The following FAM78B variants were observed in gnomAD, a reference collection of about 807,000 sequenced individuals.
The protein encoded by FAM78B is protein FAM78B.
FAM78B carries 10 observed loss-of-function variants against 20.0 expected under a neutral mutation model. The ratio of observed to expected loss-of-function variants is 0.50; its 90% CI spans 0.31 to 0.85. FAM78B has a LOEUF of 0.85. FAM78B is among the 40% of genes least tolerant of loss of function. The pLI, the probability that FAM78B is intolerant of heterozygous loss-of-function variation, is 0.05. For missense variants in FAM78B, 283 were observed against 345.0 expected (o/e 0.82, Z 1.42); for synonymous variants, 135 against 132.8 (o/e 1.02, Z -0.12).
intron 1 of FAM78B, among the ~76,000 whole-genome samples, chr1:166,082,958 A>G (rs1410112262): frequency 6.6e-6 from 1 of 152,156 alleles, no homozygotes; most frequent in East Asian, 1.9e-4. Flanking sequence ...GAGAGGATGT[A>G]GGGGCTGGGT....
At chr1:166,105,754 G>C (rs1447794635) in intron 1 of FAM78B, among the ~76,000 whole-genome samples, 9 of 151,840 alleles carry the variant, frequency 5.9e-5, no homozygotes, top group Non-Finnish European at 1.3e-4. Flanking sequence ...TTACACTGTT[G>C]GTGGGACTGT....
downstream of FAM78B, among the ~76,000 whole-genome samples, chr1:166,066,815 A>T (rs1342690304): frequency 6.6e-6 from 1 of 152,168 alleles, no homozygotes; most frequent in African/African-American, 2.4e-5. Flanking sequence ...ACAGAATGGG[A>T]GGTGGGTAGG....
At chr1:166,164,762 ACC>A (rs1656294613) in intron 1 of FAM78B, 1 of 152,216 alleles carries the variant, frequency 6.6e-6, no homozygotes, top group South Asian at 2.1e-4. Flanking sequence ...GAACTCCCCC[ACC>A]CCATATCCAT....
intron 1 of FAM78B, among the ~76,000 whole-genome samples, chr1:166,100,769 G>A (rs957729655): frequency 6.6e-6 from 1 of 152,240 alleles, no homozygotes; most frequent in South Asian, 2.1e-4. Context: ...TCTGGGAGCA[G>A]GGCATAGCCA....
At chr1:166,132,280 C>G (rs2101780170) in intron 1 of FAM78B, among the ~76,000 whole-genome samples, 1 of 148,958 alleles carries the variant, frequency 6.7e-6, no homozygotes, top group South Asian at 2.2e-4. Flanking sequence ...AGAGTGGTTC[C>G]AAATCTCCCC....
chr1:166,142,758 C>T (rs750168600), intron 1 of FAM78B, among the ~76,000 whole-genome samples: 3 of 152,266 alleles, frequency 2.0e-5, no homozygotes, highest in South Asian at 2.1e-4. Flanking sequence ...AAATGATGTA[C>T]GGGTAATGGG....
chr1:166,153,155 A>C (rs1655749449), intron 1 of FAM78B, among the ~76,000 whole-genome samples: 1 of 152,210 alleles, frequency 6.6e-6, no homozygotes, highest in African/African-American at 2.4e-5. Flanking sequence ...AGAGTGACTC[A>C]TGGGCTCCCA....
At chr1:166,132,055 T>C (rs1654893865) in intron 1 of FAM78B, among the ~76,000 whole-genome samples, 1 of 152,194 alleles carries the variant, frequency 6.6e-6, no homozygotes, top group Non-Finnish European at 1.5e-5. Flanking sequence ...AGCACAATTT[T>C]CTCCAATTTT....
chr1:166,071,731 T>C (rs1652040655), intron 1 of FAM78B, among the ~76,000 whole-genome samples: 1 of 152,242 alleles, frequency 6.6e-6, no homozygotes, highest in Non-Finnish European at 1.5e-5. Context: ...TTAAGGTACA[T>C]GACAAAGGTC....
intron 1 of FAM78B, among the ~76,000 whole-genome samples, chr1:166,084,205 C>CCACACACACA (rs374157991): frequency 0.013 from 1,546 of 121,066 alleles, 12 homozygotes; most frequent in Middle Eastern, 0.019. Flanking sequence ...GATGTAGAAA[C>CCACACACACA]CACACACACA....
chr1:166,139,990 C>G (rs144185603), intron 1 of FAM78B, among the ~76,000 whole-genome samples: 1 of 152,166 alleles, frequency 6.6e-6, no homozygotes. Flanking sequence ...ACAAAGGCCA[C>G]GCAGGATGAG....
intron 1 of FAM78B, among the ~76,000 whole-genome samples, chr1:166,086,480 G>A (rs964050350): frequency 3.3e-5 from 5 of 152,194 alleles, no homozygotes; most frequent in African/African-American, 9.7e-5. Context: ...AAGGTGTAGG[G>A]GGAAGGGTCA....
intron 1 of FAM78B, among the ~76,000 whole-genome samples, chr1:166,112,691 A>C (rs931378990): frequency 7.2e-5 from 11 of 152,214 alleles, no homozygotes; most frequent in African/African-American, 2.4e-4. Flanking sequence ...CCTGCTCTCA[A>C]ACCAATAACA....
At chr1:166,117,823 T>A (rs1390402331) in intron 1 of FAM78B, among the ~76,000 whole-genome samples, 1 of 151,546 alleles carries the variant, frequency 6.6e-6, no homozygotes, top group Non-Finnish European at 1.5e-5. Context: ...AGCACAGAGG[T>A]TGAGTCAAGC....
At chr1:166,150,623 C>T (rs932790386) in intron 1 of FAM78B, among the ~76,000 whole-genome samples, 3 of 152,188 alleles carry the variant, frequency 2.0e-5, no homozygotes, top group South Asian at 2.1e-4. Context: ...AAAAGAGTTA[C>T]GACCACACTA....
intron 1 of FAM78B, among the ~76,000 whole-genome samples, chr1:166,130,582 ACATC>A (rs1432867839): frequency 6.6e-5 from 10 of 152,190 alleles, no homozygotes; most frequent in Non-Finnish European, 7.3e-5. Flanking sequence ...TATGCTGCTA[ACATC>A]CTACAATACA....
At chr1:166,088,095 TCTC>T (rs374971734) in intron 1 of FAM78B, among the ~76,000 whole-genome samples, 5 of 152,228 alleles carry the variant, frequency 3.3e-5, no homozygotes, top group South Asian at 2.1e-4. Context: ...CTGTTGGTCA[TCTC>T]CTTCCAACAC....
chr1:166,060,621 A>G (rs1651556005), exon 3 of FAM78B: 6 of 1,289,122 alleles, frequency 4.7e-6, no homozygotes, highest in Middle Eastern at 2.1e-4. Flanking sequence ...AGTCTCTGCC[A>G]TGTGGTTGTG....
intron 1 of FAM78B, among the ~76,000 whole-genome samples, chr1:166,077,266 T>C (rs1652311382): frequency 6.6e-6 from 1 of 152,212 alleles, no homozygotes; most frequent in Non-Finnish European, 1.5e-5. Flanking sequence ...GGAGGCAGAC[T>C]GCTTAGGCCT....
Sources: gnomAD v4.1 joint callset for allele counts (sites outside exome capture counted in the v4.1 genomes callset) on GRCh38, gnomAD v4.1.1 for gene constraint, MANE v1.5 for transcripts, NCBI Gene and HGNC (gene_info 2026-07-23, HGNC 2026-07-21) for gene names.